The following TARBP1 variants were observed in gnomAD, a reference collection of about 807,000 sequenced individuals.
The protein encoded by TARBP1 is tRNA guanosine 2 -O-methyltransferase TARBP1, also known as tRNA (guanosine(18)-2'-O)-methyltransferase TARBP1.
Under a neutral mutation model 178.6 loss-of-function variants are expected in TARBP1, and 144 were observed. That is an observed-to-expected ratio of 0.81 (90% confidence interval 0.70 to 0.93). TARBP1 has a LOEUF of 0.93. TARBP1 is among the 40% of genes least tolerant of loss of function. The pLI, the probability that TARBP1 is intolerant of heterozygous loss-of-function variation, is 0.00. For synonymous variants in TARBP1, 787 were observed against 781.0 expected, an observed-to-expected ratio of 1.01 and a Z score of -0.13; for missense variants, 2,067 against 2,011.7, an observed-to-expected ratio of 1.03 and a Z score of -0.53.
At chr1:234,415,848 A>G (rs1662358073) in intron 22 of TARBP1, among the ~76,000 whole-genome samples, 1 of 151,948 alleles carries the variant, frequency 6.6e-6, no homozygotes, top group African/African-American at 2.4e-5. Context: ...GTTCCTGCCA[A>G]TTTTCCAGTT....
intron 9 of TARBP1, among the ~76,000 whole-genome samples, chr1:234,457,110 G>A (rs1295119271): frequency 6.6e-6 from 1 of 152,206 alleles, no homozygotes; most frequent in African/African-American, 2.4e-5. Context: ...CTGGAGGCCA[G>A]GGACGTGACA....
chr1:234,398,695 T>C, intron 25 of TARBP1, 142 bp from the exon 26 acceptor site: 1 of 630,642 alleles, frequency 1.6e-6, no homozygotes. Flanking sequence ...CATTTATATC[T>C]TATAGCAACT....
chr1:234,395,529 C>T (rs1462203620), intron 26 of TARBP1, among the ~76,000 whole-genome samples: 5 of 152,116 alleles, frequency 3.3e-5, no homozygotes, highest in African/African-American at 1.2e-4. Context: ...GATGATTGAC[C>T]AATACCATTA....
intron 9 of TARBP1, 42 bp downstream of exon 9, chr1:234,457,625 T>C: frequency 7.2e-7 from 1 of 1,396,498 alleles, no homozygotes. Context: ...AAACCATTTT[T>C]TATAGTTTTC....
At chr1:234,469,048 T>C (rs1395906376) in intron 3 of TARBP1, among the ~76,000 whole-genome samples, 1 of 110,838 alleles carries the variant, frequency 9.0e-6, no homozygotes, top group East Asian at 4.0e-4. Context: ...CGAAAGTCGT[T>C]GCGGTTTTTG....
chr1:234,467,632 G>A lies in TARBP1; in HGVS notation c.1118C>T (p.Pro373Leu), dbSNP rs1668581411. 6.3e-7 allele frequency: 1 copy of A among 1,589,480 alleles called. No individual in the cohort carries two copies. Among genetic ancestry groups the A allele is most frequent in the East Asian group, 2.3e-5 (1 of 43,816 alleles). Residue 373 changes from proline to leucine, a missense_variant, in exon 4 of 30, where the codon CCA (proline) becomes CTA (leucine). Coordinates refer to ENST00000040877, the MANE Select transcript of TARBP1 (RefSeq NM_005646.4). ...SEENGCWLFHPSWHMCIYKRM... is the reference protein window; with the variant it reads ...SEENGCWLFHLSWHMCIYKRM... ...TTTATAAATACACATATGCCAGGATGGGTGAAAGAGCCAACATCCTGTGGA... is the reference window on the plus strand; with the variant it reads ...TTTATAAATACACATATGCCAGGATAGGTGAAAGAGCCAACATCCTGTGGA...
chr1:234,392,152 T>G (rs1378054005), intron 29 of TARBP1, among the ~76,000 whole-genome samples: 1 of 152,124 alleles, frequency 6.6e-6, no homozygotes, highest in Non-Finnish European at 1.5e-5. Flanking sequence ...TCACTTGAGG[T>G]CAGGAGTTCG....
chr1:234,394,230 A>G (rs913910574), intron 26 of TARBP1, among the ~76,000 whole-genome samples: 16 of 152,352 alleles, frequency 1.1e-4, no homozygotes, highest in South Asian at 4.1e-4. Context: ...TTAGATTGGG[A>G]TTTTCTATGG....
At chr1:234,440,529 A>C (rs1243552786) in intron 12 of TARBP1, among the ~76,000 whole-genome samples, 1 of 152,176 alleles carries the variant, frequency 6.6e-6, no homozygotes, top group African/African-American at 2.4e-5. Flanking sequence ...AGGAATAAAA[A>C]GACAGAGCTT....
intron 1 of TARBP1, among the ~76,000 whole-genome samples, chr1:234,477,926 TC>T (rs1398753705): frequency 1.3e-5 from 2 of 152,198 alleles, no homozygotes; most frequent in African/African-American, 4.8e-5. Flanking sequence ...CCTAAACTAT[TC>T]CAGGGGTGCT....
At chr1:234,453,878 G>C (rs1433568619) in intron 9 of TARBP1, among the ~76,000 whole-genome samples, 1 of 152,152 alleles carries the variant, frequency 6.6e-6, no homozygotes, top group African/African-American at 2.4e-5. Context: ...CCTGGCCTGT[G>C]GGAGATGTGC....
chr1:234,427,097 AC>A (rs1344841250), intron 19 of TARBP1, among the ~76,000 whole-genome samples: 1 of 152,166 alleles, frequency 6.6e-6, no homozygotes, highest in Non-Finnish European at 1.5e-5. Context: ...GGCACTAAAA[AC>A]TTTTAAAATT....
chr1:234,400,293 C>CTAGTCGGACATCT (rs1483958170), intron 25 of TARBP1: 7 of 152,134 alleles, frequency 4.6e-5, no homozygotes, highest in African/African-American at 1.7e-4. Flanking sequence ...AGGAGTCCTG[C>CTAGTCGGACATCT]AGAAAGATGC....
rs1322340291 is a variant in TARBP1 at position 234,429,562 on chromosome 1, T to C, written c.2725A>G (p.Thr909Ala). Residue 909 changes from threonine (T) to alanine (A), a missense_variant, in exon 16 of 30, where the codon ACC becomes GCC. Coordinates refer to ENST00000040877, the MANE Select transcript of TARBP1 (RefSeq NM_005646.4). ...LLKKYHTLIP[T>A]TGSEILEPFL... ...GGTTCCAGAATTTCACTCCCTGTGGTTGGTATAAGGGTGTGATATTTTTTC... is the reference window on the plus strand; with the variant it reads ...GGTTCCAGAATTTCACTCCCTGTGGCTGGTATAAGGGTGTGATATTTTTTC... 11 of 1,614,052 alleles carry C rather than the reference T, an allele frequency of 6.8e-6. No homozygotes were observed. The highest frequency in any genetic ancestry group is 2.2e-5 in the South Asian group (2 of 91,066).
At chr1:234,434,786 G>A (rs1664836765) in intron 13 of TARBP1, among the ~76,000 whole-genome samples, 1 of 152,132 alleles carries the variant, frequency 6.6e-6, no homozygotes, top group African/African-American at 2.4e-5. Context: ...TCAGGGACAA[G>A]CTTTAAAGAG....
chr1:234,449,937 T>C (rs1442922506), intron 10 of TARBP1, among the ~76,000 whole-genome samples: 1 of 152,246 alleles, frequency 6.6e-6, no homozygotes, highest in Non-Finnish European at 1.5e-5. Flanking sequence ...AAAATTGATG[T>C]TGCAAAGTAT....
rs761141250 is a variant in TARBP1, at chr1:234,478,897, G to A, written c.207C>T (p.Leu69=). ...CGCGCAGGCTCCGCAGCAGTGGCAC[G>A]AGGTACCCTGCAGCCACCTCGCGCG... is the stretch of plus-strand genomic sequence containing the variant. ...EAAREVAAGY[L]VPLLRSLRGR... Residue 69 remains leucine, a synonymous_variant, in exon 1 of 30, where the codon CTC becomes CTT. Transcript: ENST00000040877. The A allele has an allele frequency of 7.2e-7, 1 of 1,395,034 alleles. No individual in the cohort carries two copies. Among genetic ancestry groups the A allele is most frequent in the South Asian group, 1.5e-5 (1 of 65,330 alleles). 86.4% of individuals were successfully genotyped at this position (1,395,034 alleles called of 1,614,324 possible). A position where few individuals can be genotyped will look rare whatever the true frequency, so the allele number is the denominator to read the frequency against.
chr1:234,462,541 T>C (rs1667962674), intron 6 of TARBP1, among the ~76,000 whole-genome samples: 1 of 152,050 alleles, frequency 6.6e-6, no homozygotes, highest in African/African-American at 2.4e-5. Context: ...ATACAAAAAT[T>C]AGCTGGGCGT....
At position 234,429,417 on chromosome 1, in the gene TARBP1, T is replaced by C. The variant is rs932207817; in HGVS notation, c.2870A>G (p.Lys957Arg). The change falls in exon 16 of 30, where the codon AAG becomes AGG. Residue 957 changes from lysine to arginine, a missense_variant and splice_region_variant. By Grantham distance (26) the Lys-to-Arg change is conservative. Coordinates refer to ENST00000040877, the MANE Select transcript of TARBP1 (RefSeq NM_005646.4). ...AATTCATGTTTCACTCTATCTTACC[T>C]TGGGAACCAACACTTTCAAGCAATG... ...VFHCLKVLVP[K>R]LLTSSESLCI... is the part of the protein sequence containing the mutation. 6.2e-7 allele frequency: 1 copy of C among 1,609,144 alleles called. No homozygotes were observed. Among genetic ancestry groups the C allele is most frequent in the African/African-American group, 1.3e-5 (1 of 74,712 alleles).
Sources: gnomAD v4.1 joint callset for allele counts (sites outside exome capture counted in the v4.1 genomes callset) on GRCh38, gnomAD v4.1.1 for gene constraint, MANE v1.5 for transcripts, NCBI Gene and HGNC (gene_info 2026-07-23, HGNC 2026-07-21) for gene names.